The following FOSL2 variants were observed in gnomAD, a reference collection of about 807,000 sequenced individuals.
FOSL2 encodes FOS like 2, AP-1 transcription factor subunit, also known as fos-related antigen 2.
Under a neutral mutation model 27.7 loss-of-function variants are expected in FOSL2, and 3 were observed. That is an observed-to-expected ratio of 0.11 (90% CI 0.05 to 0.28). The LOEUF (loss-of-function observed/expected upper bound fraction) is 0.28, where lower values mean the gene tolerates loss of function less well. Among genes scored for constraint, FOSL2 ranks in the 10% least tolerant of loss-of-function variants. FOSL2 has a pLI of 1.00. For missense variants in FOSL2, 333 were observed against 445.1 expected (o/e 0.75, Z 2.27); for synonymous variants, 179 against 190.1 (o/e 0.94, Z 0.48).
At position 28,404,426 on chromosome 2, in the gene FOSL2, T is replaced by G; in HGVS notation, c.354+68T>G. 7.8e-6 allele frequency: 12 copies of G among 1,543,762 alleles called. No homozygotes were observed. The highest frequency in any genetic ancestry group is 8.8e-6 in the Non-Finnish European group (10 of 1,141,154). On this transcript the variant is annotated intron_variant, in intron 2 of 3. Coordinates refer to ENST00000264716, the MANE Select transcript of FOSL2 (RefSeq NM_005253.4). The surrounding 1 kb of genome is among the most constrained non-coding windows in gnomAD (Gnocchi z 4.7). Reference sequence around the variant, plus strand: ...CAGAGCCCCAGAAACACAGAACGGGTTTCTGCAGACTGGGAGGGTTAATGT... The same window carrying G: ...CAGAGCCCCAGAAACACAGAACGGGGTTCTGCAGACTGGGAGGGTTAATGT...
At position 28,412,059 on chromosome 2, in the gene FOSL2, C is replaced by T. The variant is rs757946261; in HGVS notation, c.592C>T (p.Arg198Cys). ...AGTGTGCAAGATTAGCCCCGAGGAG[C>T]GCCGATCGCCCCCAGCCCCTGGGCT... ...GPVCKISPEE[R>C]RSPPAPGLQP... The change falls in exon 4 of 4, where the codon CGC becomes TGC. Residue 198 changes from arginine (R) to cysteine (C), a missense_variant. Physicochemically the swap from Arg to Cys is radical, Grantham distance 180 (BLOSUM62 -3). Around this residue, in one of 4 missense-constraint regions of FOSL2, gnomAD observed 136 missense variants for 123.7 expected, o/e 1.10. Coordinates refer to ENST00000264716, the MANE Select transcript of FOSL2 (RefSeq NM_005253.4). The surrounding 1 kb of genome is among the most constrained non-coding windows in gnomAD (Gnocchi z 7.1). The T allele has an allele frequency of 2.3e-5, 37 of 1,607,526 alleles. No individual in the cohort carries two copies. Among genetic ancestry groups the T allele is most frequent in the East Asian group, 1.1e-4 (5 of 44,776 alleles).
intron 1 of FOSL2, among the ~76,000 whole-genome samples, chr2:28,398,740 C>T (rs998933963): frequency 4.6e-5 from 7 of 152,204 alleles, no homozygotes; most frequent in Non-Finnish European, 7.3e-5. Flanking sequence ...TAAACTGTAA[C>T]GCTTTGGGAA....
rs895310339 is a variant in FOSL2 at position 28,404,388 on chromosome 2, C to A, written c.354+30C>A. The A allele has an allele frequency of 6.3e-7, 1 of 1,589,304 alleles. No homozygotes were observed. Reference sequence around the variant, plus strand: ...AGCTCAGACCAGTGGGAAGGAGCCACGTCAGTGGCTTTCAGAGCCCCAGAA... The same window carrying A: ...AGCTCAGACCAGTGGGAAGGAGCCAAGTCAGTGGCTTTCAGAGCCCCAGAA... On this transcript the variant is annotated intron_variant, in intron 2 of 3. Transcript: ENST00000264716. The surrounding 1 kb of genome is among the most constrained non-coding windows in gnomAD (Gnocchi z 4.7).
Position 28,408,092 on chromosome 2 carries a change from G to A in FOSL2, c.355-667G>A, listed in dbSNP as rs1664120878. Among the ~76,000 whole-genome samples, 1 of 152,206 alleles carries A rather than the reference G, an allele frequency of 6.6e-6. No individual in the cohort carries two copies. The highest frequency in any genetic ancestry group is 2.4e-5 in the African/African-American group (1 of 41,442). ...GGCTCCTCTTCCTTTTGCATGTCCT[G>A]TCCAACTTAGCACTGTACCAGGCAT... On this transcript the variant is annotated intron_variant, in intron 2 of 3. Coordinates refer to ENST00000264716, the MANE Select transcript of FOSL2 (RefSeq NM_005253.4). This position sits in a 1 kb window ranked among gnomAD's most constrained non-coding sequence, Gnocchi z 4.1.
chr2:28,407,495 T>C (rs1263559558), intron 2 of FOSL2, among the ~76,000 whole-genome samples: 1 of 152,252 alleles, frequency 6.6e-6, no homozygotes, highest in African/African-American at 2.4e-5. Flanking sequence ...TGTGGGACTC[T>C]GACTTGGACC....
At position 28,392,940 on chromosome 2, in the gene FOSL2, AAGAGGGAGAG is replaced by A. The variant is rs1663703421; in HGVS notation, c.-776_-767del. On this transcript the variant is annotated 5_prime_UTR_variant, in exon 1 of 4. Transcript: ENST00000264716. ...ACGAGCGGCGCTCGGCGGGGACAGA[AAGAGGGAGAG>A]AGAGAGAGAGAGAGAGGGAGAGGCG... 1 of 689,140 alleles carries A rather than the reference AAGAGGGAGAG, an allele frequency of 1.5e-6. No homozygotes were observed. 42.7% of individuals were successfully genotyped at this position (689,140 alleles called of 1,614,324 possible).
At position 28,393,713 on chromosome 2, in the gene FOSL2, C is replaced by A. The variant is rs766714855; in HGVS notation, c.-8C>A. The A allele has an allele frequency of 6.2e-7, 1 of 1,600,992 alleles. No homozygotes were observed. The highest frequency in any genetic ancestry group is 2.3e-5 in the East Asian group (1 of 44,030). ...ACCCTGTTTCCTCTCCGGCCCCCAC[C>A]GCGGATCATGTACCAGGATTATCCC... On this transcript the variant is annotated 5_prime_UTR_variant, in exon 1 of 4. Coordinates refer to ENST00000264716, the MANE Select transcript of FOSL2 (RefSeq NM_005253.4). This position sits in a 1 kb window ranked among gnomAD's most constrained non-coding sequence, Gnocchi z 4.6.
intron 1 of FOSL2, chr2:28,394,484 A>T (rs1663765951): frequency 6.5e-6 from 1 of 152,682 alleles, no homozygotes; most frequent in Non-Finnish European, 1.5e-5. Flanking sequence ...TTCTGTAAGG[A>T]TCACGGACAG....
rs975120664 is a variant in FOSL2 at position 28,404,919 on chromosome 2, G to A, written c.354+561G>A. Reference sequence around the variant, plus strand: ...AGGGCCTGGAATGCATGTTCCAGAGGTGCAGTAACTCTGGGGCCTTAGGAG... The same window carrying A: ...AGGGCCTGGAATGCATGTTCCAGAGATGCAGTAACTCTGGGGCCTTAGGAG... On this transcript the variant is annotated intron_variant, in intron 2 of 3. Transcript: ENST00000264716. The surrounding 1 kb of genome is among the most constrained non-coding windows in gnomAD (Gnocchi z 4.7). 6.6e-6 allele frequency among the ~76,000 whole-genome samples: 1 copy of A among 152,194 alleles called. No homozygotes were observed. Among genetic ancestry groups the A allele is most frequent in the Admixed American group, 6.5e-5 (1 of 15,292 alleles).
Position 28,393,836 on chromosome 2 carries a change from C to T in FOSL2, c.102+14C>T, listed in dbSNP as rs780024675. ...GGCGGCCAGCAGGTAGGTGCGGGCC[C>T]CGGTGCACCTGGCGGCGCGGGCGGA... On this transcript the variant is annotated intron_variant, in intron 1 of 3. Coordinates refer to ENST00000264716, the MANE Select transcript of FOSL2 (RefSeq NM_005253.4). This position sits in a 1 kb window ranked among gnomAD's most constrained non-coding sequence, Gnocchi z 4.6. The T allele has an allele frequency of 5.7e-6, 9 of 1,568,636 alleles. No individual in the cohort carries two copies. Among genetic ancestry groups the T allele is most frequent in the Non-Finnish European group, 7.8e-6 (9 of 1,153,490 alleles).
rs1274447037 is a variant in FOSL2, at chr2:28,393,394, G to C, written c.-327G>C. On this transcript the variant is annotated 5_prime_UTR_variant, in exon 1 of 4. Coordinates refer to ENST00000264716, the MANE Select transcript of FOSL2 (RefSeq NM_005253.4). This position sits in a 1 kb window ranked among gnomAD's most constrained non-coding sequence, Gnocchi z 4.6. ...GGCCGTGGGTCCCCGCTGAGCTCCG[G>C]CTGCGCGCGGGGGCGGGAGGGCGCG... 1.5e-5 allele frequency: 5 copies of C among 323,330 alleles called. No homozygotes were observed. The highest frequency in any genetic ancestry group is 2.8e-5 in the Non-Finnish European group (5 of 175,862). 20.0% of individuals were successfully genotyped at this position (323,330 alleles called of 1,614,324 possible).
In FOSL2 at chr2:28,415,354, G is replaced by A. The variant is rs1664291778; in HGVS notation, c.*2906G>A. 1 of 152,238 alleles carries A rather than the reference G, an allele frequency of 6.6e-6. No individual in the cohort carries two copies. Among genetic ancestry groups the A allele is most frequent in the Admixed American group, 6.5e-5 (1 of 15,288 alleles). The allele number at this position is 152,238 out of a possible 1,614,324, so 9.4% of individuals were successfully genotyped here. A position where few individuals can be genotyped will look rare whatever the true frequency, so the allele number is the denominator to read the frequency against. ...AGAGGCGATCCCGGCTGAGGCTTAG[G>A]AAATTGCTGGAGCCGGCTCCAAGCA... is the stretch of plus-strand genomic sequence containing the variant. On this transcript the variant is annotated 3_prime_UTR_variant, in exon 4 of 4. Coordinates refer to ENST00000264716, the MANE Select transcript of FOSL2 (RefSeq NM_005253.4).
rs568798409 is a variant in FOSL2, at chr2:28,413,561, G to A, written c.*1113G>A. On this transcript the variant is annotated 3_prime_UTR_variant, in exon 4 of 4. Transcript: ENST00000264716. ...AAGCCTCAAAGAAGCATTTGCTGAG[G>A]ATGGAGAGGCAGGGGAGGGAGGCGG... 2.3e-5 allele frequency: 9 copies of A among 398,856 alleles called. No homozygotes were observed. In the East Asian group the frequency reaches 2.9e-4, roughly 13 times the overall value. 24.7% of individuals were successfully genotyped at this position (398,856 alleles called of 1,614,324 possible).
Position 28,412,084 on chromosome 2 carries a change from T to G in FOSL2, c.617T>G (p.Leu206Arg). 6.2e-7 allele frequency: 1 copy of G among 1,606,026 alleles called. No individual in the cohort carries two copies. The highest frequency in any genetic ancestry group is 8.5e-7 in the Non-Finnish European group (1 of 1,179,774). ...CGCCGATCGCCCCCAGCCCCTGGGC[T>G]GCAGCCCATGCGCAGTGGGGGTGGC... is the stretch of plus-strand genomic sequence containing the variant. ...EERRSPPAPG[L>R]QPMRSGGGSV... Residue 206 changes from leucine (L) to arginine (R), a missense_variant, in exon 4 of 4, where the codon CTG becomes CGG. Transcript: ENST00000264716. This position sits in a 1 kb window ranked among gnomAD's most constrained non-coding sequence, Gnocchi z 7.1.
chr2:28,395,555 A>C (rs1213129069), intron 1 of FOSL2: 2 of 152,296 alleles, frequency 1.3e-5, no homozygotes, highest in Non-Finnish European at 2.9e-5. Context: ...AGAAAATCAG[A>C]CAGGAAACCA....
rs752456290 is a variant in FOSL2 at position 28,414,104 on chromosome 2, G to A, written c.*1656G>A. ...GCCAGAACCAGCCTCTGCGGGGCTT[G>A]TGCTCTGCAAAGACTCTGCTGCTGG... On this transcript the variant is annotated 3_prime_UTR_variant, in exon 4 of 4. Transcript: ENST00000264716. The A allele has an allele frequency of 2.9e-6, 1 of 349,012 alleles. No individual in the cohort carries two copies. The highest frequency in any genetic ancestry group is 2.1e-5 in the African/African-American group (1 of 47,806). 21.6% of individuals were successfully genotyped at this position (349,012 alleles called of 1,614,324 possible).
chr2:28,394,556 A>G (rs1169062098), intron 1 of FOSL2: 1 of 152,432 alleles, frequency 6.6e-6, no homozygotes, highest in Non-Finnish European at 1.5e-5. Flanking sequence ...ACCTGGAGCA[A>G]GGAGACCGGC....
intron 1 of FOSL2, among the ~76,000 whole-genome samples, chr2:28,403,221 C>G (rs1664009914): frequency 6.6e-6 from 1 of 152,152 alleles, no homozygotes; most frequent in Non-Finnish European, 1.5e-5. Context: ...GAGCACAGCC[C>G]ATTTTAGTTT....
intron 3 of FOSL2, among the ~76,000 whole-genome samples, chr2:28,410,072 A>T (rs1664160438): frequency 6.6e-6 from 1 of 152,124 alleles, no homozygotes; most frequent in African/African-American, 2.4e-5. Flanking sequence ...GTTTCCAGGT[A>T]CCATCCACCC....
Sources: gnomAD v4.1 joint callset for allele counts (sites outside exome capture counted in the v4.1 genomes callset) on GRCh38, gnomAD v4.1.1 for gene constraint, gnomAD v4.1.1 regional missense constraint, Gnocchi (gnomAD v3.1) non-coding constraint, MANE v1.5 for transcripts, NCBI Gene and HGNC (gene_info 2026-07-23, HGNC 2026-07-21) for gene names.